HDAC4: variants seen among roughly 807,000 people sequenced by gnomAD.
The protein encoded by HDAC4 is histone deacetylase 4, also known as histone deacetylase A.
A neutral mutation model predicts 135.1 loss-of-function variants in HDAC4; 16 were observed. That is an observed-to-expected ratio of 0.12 (90% CI 0.08 to 0.18). The LOEUF (loss-of-function observed/expected upper bound fraction) is 0.18, where lower values mean the gene tolerates loss of function less well. Among genes scored for constraint, HDAC4 ranks in the 10% least tolerant of loss-of-function variants. The pLI is 1.00. For synonymous variants in HDAC4, 685 were observed against 653.4 expected, an observed-to-expected ratio of 1.05 and a Z score of -0.74; for missense variants, 1,143 against 1,511.8, an observed-to-expected ratio of 0.76 and a Z score of 4.05.
chr2:239,161,670 C>T (rs1575240959), intron 6 of HDAC4: 1 of 288,208 alleles, frequency 3.5e-6, no homozygotes, highest in Non-Finnish European at 6.9e-6. Flanking sequence ...GTCCCCAGAG[C>T]CCTCTGAGAA....
intron 2 of HDAC4, among the ~76,000 whole-genome samples, chr2:239,315,373 A>G (rs1048126783): frequency 1.3e-5 from 2 of 152,212 alleles, no homozygotes; most frequent in Non-Finnish European, 2.9e-5. Flanking sequence ...CCTGTCTCAG[A>G]TACTTTTGGT....
chr2:239,386,785 G>C (rs1309685414), intron 1 of HDAC4, among the ~76,000 whole-genome samples: 1 of 152,224 alleles, frequency 6.6e-6, no homozygotes, highest in African/African-American at 2.4e-5. Context: ...TCCAGAGACA[G>C]CCCAGTTCTA....
intron 16 of HDAC4, among the ~76,000 whole-genome samples, chr2:239,098,894 C>G (rs2037360372): frequency 6.6e-6 from 1 of 152,164 alleles, no homozygotes; most frequent in African/African-American, 2.4e-5. Context: ...GGAGAGGCAT[C>G]CTCACAGGAA....
chr2:239,152,393 C>G (rs2152937563), intron 7 of HDAC4, among the ~76,000 whole-genome samples: 1 of 152,382 alleles, frequency 6.6e-6, no homozygotes, highest in South Asian at 2.1e-4. Flanking sequence ...ACACTTGAGG[C>G]TGCACAGACA....
chr2:239,269,990 CA>C (rs10719385), intron 2 of HDAC4, among the ~76,000 whole-genome samples: 39,885 of 152,026 alleles, frequency 0.26, 6,251 homozygotes, highest in East Asian at 0.51. Context: ...CCCCGCCCCC[CA>C]AAATGATGTC....
At chr2:239,123,559 C>T (rs1317847511) in intron 12 of HDAC4, among the ~76,000 whole-genome samples, 1 of 152,242 alleles carries the variant, frequency 6.6e-6, no homozygotes, top group Non-Finnish European at 1.5e-5. Context: ...ATGGCTCACA[C>T]ACTAGGATGG....
At chr2:239,365,076 T>C (rs1454688750) in intron 1 of HDAC4, among the ~76,000 whole-genome samples, 2 of 152,252 alleles carry the variant, frequency 1.3e-5, no homozygotes, top group Non-Finnish European at 2.9e-5. Context: ...TTAGGGTAAT[T>C]AAAATTGAAA....
At position 239,400,467 on chromosome 2, in the gene HDAC4, C is replaced by A. The variant is rs1284219537; in HGVS notation, c.-220+511G>T. ...CCCCCGCCCCGGCGGGCGAAGCCGCCTCGCGGCGCGGGTGGAAAGGTCCAG... is the reference window on the plus strand; with the variant it reads ...CCCCCGCCCCGGCGGGCGAAGCCGCATCGCGGCGCGGGTGGAAAGGTCCAG... On this transcript the variant is annotated intron_variant, in intron 1 of 26. Transcript: ENST00000543185. This position sits in a 1 kb window ranked among gnomAD's most constrained non-coding sequence, Gnocchi z 4.7. The A allele has an allele frequency of 1.4e-5, 2 of 146,250 alleles. No individual in the cohort carries two copies. The highest frequency in any genetic ancestry group is 1.5e-5 in the Non-Finnish European group (1 of 65,740). The allele number at this position is 146,250 out of a possible 1,614,324, so 9.1% of individuals were successfully genotyped here.
chr2:239,199,113 CACCA>C (rs1296112863), intron 3 of HDAC4, among the ~76,000 whole-genome samples: 1 of 2,932 alleles, frequency 3.4e-4, no homozygotes, highest in African/African-American at 1.2e-3. Flanking sequence ...TCCTGCCCCC[CACCA>C]CCCCCACCCC....
Position 239,156,640 on chromosome 2 carries a change from C to T in HDAC4, c.733+12G>A. ...GGAGACCTCCCGGCCCACAGCATGC[C>T]TGGGCACTGACCTGTTTTCCTAAGA... On this transcript the variant is annotated intron_variant, in intron 7 of 26. Transcript: ENST00000543185. 1 of 1,614,094 alleles carries T rather than the reference C, an allele frequency of 6.2e-7. No individual in the cohort carries two copies. Among genetic ancestry groups the T allele is most frequent in the South Asian group, 1.1e-5 (1 of 91,080 alleles).
chr2:239,182,943 C>T (rs2044245830), intron 4 of HDAC4, among the ~76,000 whole-genome samples: 1 of 152,180 alleles, frequency 6.6e-6, no homozygotes, highest in Admixed American at 6.5e-5. Flanking sequence ...CAAATTCAGG[C>T]TTCGAAAAAC....
rs371350686 is a variant in HDAC4 at position 239,111,716 on chromosome 2, C to A, written c.1792-4G>T. 11 of 1,591,278 alleles carry A rather than the reference C, an allele frequency of 6.9e-6. No homozygotes were observed. In the Admixed American group the frequency reaches 7.0e-5, roughly 10 times the overall value. ...GCTGCTCCAGCAGGAGGGCTTGCTG[C>A]GGGGAAGAAACGGCCGTGTTGGCGG... On this transcript the variant is annotated splice_polypyrimidine_tract_variant and splice_region_variant and intron_variant, in intron 13 of 26. Transcript: ENST00000543185.
intron 2 of HDAC4, among the ~76,000 whole-genome samples, chr2:239,250,017 G>A (rs1327769258): frequency 1.3e-5 from 2 of 152,090 alleles, no homozygotes; most frequent in African/African-American, 4.8e-5. Flanking sequence ...GAAGGAGGCC[G>A]TGCACAGCCC....
intron 2 of HDAC4, among the ~76,000 whole-genome samples, chr2:239,295,267 C>A (rs1256094135): frequency 4.2e-5 from 6 of 142,198 alleles, no homozygotes; most frequent in Admixed American, 7.1e-5. Flanking sequence ...AGATCGCGCC[C>A]CTGCACTCCA....
intron 22 of HDAC4, among the ~76,000 whole-genome samples, chr2:239,071,302 C>G (rs1423840037): frequency 6.6e-6 from 1 of 152,142 alleles, no homozygotes; most frequent in Non-Finnish European, 1.5e-5. Context: ...ATAATCCCAG[C>G]TACTCGGGAG....
chr2:239,159,282 A>G (rs1454893829), intron 6 of HDAC4, among the ~76,000 whole-genome samples: 1 of 126,978 alleles, frequency 7.9e-6, no homozygotes, highest in Non-Finnish European at 1.7e-5. Context: ...TCACGCCCAC[A>G]CCTCACCTCA....
chr2:239,131,719 G>A (rs532772810), intron 11 of HDAC4, among the ~76,000 whole-genome samples: 1 of 152,356 alleles, frequency 6.6e-6, no homozygotes, highest in Admixed American at 6.5e-5. Context: ...CTTCACTCCA[G>A]GCCAGTGCCG....
In HDAC4 at chr2:239,285,320, C is replaced by T. The variant is rs1282973640; in HGVS notation, c.23-48656G>A. ...GTGGAGAACGCGCCGCGGCTGGGCC[C>T]CCAAGTTCGCGGCTGTGCAGCGTGG... On this transcript the variant is annotated intron_variant, in intron 2 of 26. Coordinates refer to ENST00000543185, the MANE Select transcript of HDAC4 (RefSeq NM_001378414.1). This position sits in a 1 kb window ranked among gnomAD's most constrained non-coding sequence, Gnocchi z 4.5. Among the ~76,000 whole-genome samples, 1 of 152,206 alleles carries T rather than the reference C, an allele frequency of 6.6e-6. No individual in the cohort carries two copies. The highest frequency in any genetic ancestry group is 1.9e-4 in the East Asian group (1 of 5,186).
chr2:239,057,132 A>G (rs1368725089), intron 24 of HDAC4, among the ~76,000 whole-genome samples: 1 of 152,218 alleles, frequency 6.6e-6, no homozygotes, highest in Non-Finnish European at 1.5e-5. Flanking sequence ...AACGACTCAT[A>G]TCGAAGTAAG....
Sources: allele counts gnomAD v4.1 joint callset (sites outside exome capture counted in the v4.1 genomes callset), GRCh38; gene constraint gnomAD v4.1.1; non-coding constraint Gnocchi (gnomAD v3.1); transcripts MANE v1.5; gene names NCBI Gene and HGNC (gene_info 2026-07-23, HGNC 2026-07-21).